EEF1A2: variants seen among roughly 807,000 people sequenced by gnomAD.
EEF1A2 encodes eukaryotic translation elongation factor 1 alpha 2.
EEF1A2 carries 5 observed loss-of-function variants against 39.3 expected under a neutral mutation model. That is an observed-to-expected ratio of 0.13 (90% confidence interval 0.07 to 0.27). The LOEUF is 0.27. Among genes scored for constraint, EEF1A2 ranks in the 10% least tolerant of loss-of-function variants. EEF1A2 has a pLI of 1.00. For synonymous variants in EEF1A2, 287 were observed against 293.7 expected (o/e 0.98, Z 0.23); for missense variants, 218 against 681.4 (o/e 0.32, Z 7.57).
At chr20:63,488,807 A>G (rs1277214202) in intron 7 of EEF1A2, 111 bp downstream of exon 7, 6 of 1,199,450 alleles carry the variant, frequency 5.0e-6, no homozygotes, top group Non-Finnish European at 6.9e-6. Flanking sequence ...CAAGCTCCGC[A>G]GGAAAGGGGG....
At chr20:63,491,266 A>G (rs2082377460) in intron 5 of EEF1A2, among the ~76,000 whole-genome samples, 1 of 152,170 alleles carries the variant, frequency 6.6e-6, no homozygotes. Flanking sequence ...GGTCTCTATC[A>G]CTAAAGGGGC....
At position 63,490,600 on chromosome 20, in the gene EEF1A2, A is replaced by G; in HGVS notation, c.908T>C (p.Leu303Pro). 1 of 1,612,816 alleles carries G rather than the reference A, an allele frequency of 6.2e-7. No homozygotes were observed. Among genetic ancestry groups the G allele is most frequent in the Non-Finnish European group, 8.5e-7 (1 of 1,179,964 alleles). ...ATTGAAGCCGACGTTGTCGCCGGGC[A>G]GAGCTTCGCTCAGAGCCTCGTGGTG... ...EMHHEALSEA[L>P]PGDNVGFNVK... is the part of the protein sequence containing the mutation. Residue 303 changes from leucine (L) to proline (P), a missense_variant, in exon 6 of 8, where the codon CTG becomes CCG. Around this residue, in one of 4 missense-constraint regions of EEF1A2, gnomAD observed 80 missense variants for 295.9 expected, o/e 0.27. Coordinates refer to ENST00000217182, the MANE Select transcript of EEF1A2 (RefSeq NM_001958.5).
intron 4 of EEF1A2, 80 bp downstream of exon 4, chr20:63,494,725 G>C: frequency 6.6e-7 from 1 of 1,509,970 alleles, no homozygotes; most frequent in East Asian, 2.4e-5. Flanking sequence ...CGACCTCCCC[G>C]TGCCACCTGC....
intron 6 of EEF1A2, 90 bp from the exon 7 acceptor site, chr20:63,489,242 C>T (rs933434862): frequency 3.8e-6 from 5 of 1,309,068 alleles, no homozygotes; most frequent in Middle Eastern, 2.3e-4. Flanking sequence ...CAGTCACCGG[C>T]GCCCCTGCAC....
intron 7 of EEF1A2, 143 bp from the exon 8 acceptor site, chr20:63,488,568 C>T: frequency 8.5e-7 from 1 of 1,181,854 alleles, no homozygotes; most frequent in Non-Finnish European, 1.1e-6. Flanking sequence ...GTGAAGACGG[C>T]CGGCCTCGCG....
At chr20:63,492,531 TGGAAGGA>T (rs2082392378) in intron 5 of EEF1A2, among the ~76,000 whole-genome samples, 49 of 141,664 alleles carry the variant, frequency 3.5e-4, no homozygotes, top group South Asian at 4.6e-4. Flanking sequence ...GATGGATGGA[TGGAAGGA>T]TGGATGGATG....
At chr20:63,496,256 G>T in intron 2 of EEF1A2, 1 of 587,358 alleles carries the variant, frequency 1.7e-6, no homozygotes, top group Non-Finnish European at 3.0e-6. Flanking sequence ...TCCGAAATGG[G>T]CGCGGCTACG....
chr20:63,488,739 G>A (rs2082365026), intron 7 of EEF1A2, among the ~76,000 whole-genome samples, 179 bp downstream of exon 7: 1 of 152,216 alleles, frequency 6.6e-6, no homozygotes, highest in African/African-American at 2.4e-5. Flanking sequence ...GCTCGTCTGG[G>A]CAGGGTCACC....
intron 4 of EEF1A2, among the ~76,000 whole-genome samples, chr20:63,494,480 G>A (rs1003298338): frequency 7.2e-5 from 11 of 152,238 alleles, no homozygotes; most frequent in Non-Finnish European, 1.5e-4. Flanking sequence ...AGATGAAACC[G>A]ACCGCCCCCA....
At chr20:63,490,787 G>T in intron 5 of EEF1A2, 52 bp from the exon 6 acceptor site, 1 of 1,561,874 alleles carries the variant, frequency 6.4e-7, no homozygotes. Flanking sequence ...GGGATGCTGG[G>T]GCAGGATATT....
intron 6 of EEF1A2, 109 bp from the exon 7 acceptor site, chr20:63,489,261 G>A (rs1490919511): frequency 2.0e-5 from 22 of 1,112,408 alleles, no homozygotes; most frequent in Non-Finnish European, 2.8e-5. Context: ...ACGGGCTCCT[G>A]GGCCCGGAGT....
chr20:63,496,347 C>G (rs761159502), intron 2 of EEF1A2: 2 of 369,920 alleles, frequency 5.4e-6, no homozygotes, highest in East Asian at 5.2e-5. Flanking sequence ...AAACCCCTCC[C>G]GGGCGAGGGC....
At chr20:63,489,502 G>A (rs2082368524) in intron 6 of EEF1A2, among the ~76,000 whole-genome samples, 1 of 152,148 alleles carries the variant, frequency 6.6e-6, no homozygotes, top group Non-Finnish European at 1.5e-5. Flanking sequence ...ATATGAAGAG[G>A]CCAGGCACGG....
chr20:63,496,209 C>G, intron 2 of EEF1A2, 174 bp from the exon 3 acceptor site: 2 of 737,886 alleles, frequency 2.7e-6, no homozygotes, highest in Non-Finnish European at 4.3e-6. Context: ...GACCCCACAC[C>G]CAGACCCTGC....
rs370076840 is a variant in EEF1A2 at position 63,490,596 on chromosome 20, G to A, written c.912C>T (p.Pro304=). 6.3e-5 allele frequency: 102 copies of A among 1,612,650 alleles called. No homozygotes were observed. Among genetic ancestry groups the A allele is most frequent in the Admixed American group, 8.3e-5 (5 of 60,008 alleles). Residue 304 remains proline, a synonymous_variant, in exon 6 of 8, where the codon CCC becomes CCT. Coordinates refer to ENST00000217182, the MANE Select transcript of EEF1A2 (RefSeq NM_001958.5). ...TCACATTGAAGCCGACGTTGTCGCC[G>A]GGCAGAGCTTCGCTCAGAGCCTCGT... ...MHHEALSEAL[P]GDNVGFNVKN...
chr20:63,493,195 G>T lies in EEF1A2; in HGVS notation c.714C>A (p.Pro238=), dbSNP rs557317848. ...LLEALDTILP[P]TRPTDKPLRL... is the part of the protein sequence containing the mutation. ...GCAGGGGCTTGTCCGTGGGGCGCGT[G>T]GGGGGCAGGATGGTGTCCAGGGCCT... Residue 238 remains proline (P), a synonymous_variant, in exon 5 of 8, where the codon CCC becomes CCA. Transcript: ENST00000217182. 7.1e-6 allele frequency: 11 copies of T among 1,548,548 alleles called. No individual in the cohort carries two copies. In the East Asian group the frequency reaches 1.2e-4, roughly 17 times the overall value.
At chr20:63,492,641 AATCAATGG>A (rs1257749934) in intron 5 of EEF1A2, among the ~76,000 whole-genome samples, 17 of 22,406 alleles carry the variant, frequency 7.6e-4, no homozygotes, top group South Asian at 1.4e-3. Flanking sequence ...TGGGTGGGAC[AATCAATGG>A]ATGGATGGAT....
chr20:63,494,101 C>T (rs1165843267), intron 4 of EEF1A2, among the ~76,000 whole-genome samples: 3 of 152,238 alleles, frequency 2.0e-5, no homozygotes, highest in East Asian at 3.8e-4. Context: ...GGTCTGTCTC[C>T]CTGCTGTCTC....
rs1555883865 is a variant in EEF1A2 at position 63,495,925 on chromosome 20, G to A, written c.255C>T (p.Tyr85=). The A allele has an allele frequency of 6.2e-7, 1 of 1,613,430 alleles. No homozygotes were observed. Among genetic ancestry groups the A allele is most frequent in the Non-Finnish European group, 8.5e-7 (1 of 1,179,956 alleles). ...CGGGGGCATCGATGATGGTGATGTA[G>A]TACTTGGTGGTCTCGAACTTCCAGA... is the stretch of plus-strand genomic sequence containing the variant. ...ISLWKFETTK[Y]YITIIDAPGH... is the part of the protein sequence containing the mutation. Residue 85 remains tyrosine, a synonymous_variant, in exon 3 of 8, where the codon TAC becomes TAT. Transcript: ENST00000217182.
Sources: allele counts gnomAD v4.1 joint callset (sites outside exome capture counted in the v4.1 genomes callset), GRCh38; gene constraint gnomAD v4.1.1; regional missense constraint gnomAD v4.1.1; transcripts MANE v1.5; gene names NCBI Gene and HGNC (gene_info 2026-07-23, HGNC 2026-07-21).